The following FRMD4B variants were observed in gnomAD, a reference collection of about 807,000 sequenced individuals.
FRMD4B encodes the protein FERM domain-containing protein 4B.
In FRMD4B, 74 loss-of-function variants were observed where a neutral mutation model predicts 141.5. That is an observed-to-expected ratio of 0.52 (90% CI 0.43 to 0.63). The LOEUF is 0.63. Ranked by LOEUF, FRMD4B falls within the 30% of genes least tolerant of loss-of-function variation. The pLI, the probability that FRMD4B is intolerant of heterozygous loss-of-function variation, is 0.00. For missense variants in FRMD4B, 1,366 were observed against 1,253.4 expected (o/e 1.09, Z -1.36); for synonymous variants, 506 against 467.9 (o/e 1.08, Z -1.05).
chr3:69,265,170 GCT>G, intron 5 of FRMD4B, among the ~76,000 whole-genome samples: 2 of 144,196 alleles, frequency 1.4e-5, no homozygotes, highest in African/African-American at 5.2e-5. Flanking sequence ...CAGGAGAATT[GCT>G]TGAACCCAGG....
intron 7 of FRMD4B, among the ~76,000 whole-genome samples, chr3:69,246,117 G>A (rs192474108): frequency 1.4e-4 from 21 of 152,220 alleles, no homozygotes; most frequent in Admixed American, 8.5e-4. Context: ...GATTATAGGC[G>A]TGAGCCACTG....
chr3:69,231,123 T>C (rs1219333226), intron 7 of FRMD4B, among the ~76,000 whole-genome samples: 2 of 152,200 alleles, frequency 1.3e-5, no homozygotes, highest in Non-Finnish European at 2.9e-5. Flanking sequence ...CTGGGTGCTA[T>C]AGGCTTAACA....
chr3:69,432,349 T>C (rs1003313940), intron 2 of FRMD4B, among the ~76,000 whole-genome samples: 1 of 152,218 alleles, frequency 6.6e-6, no homozygotes, highest in African/African-American at 2.4e-5. Flanking sequence ...TTTTTGTTTA[T>C]TTTGCTCTGT....
chr3:69,531,288 C>T (rs1701005745), intron 1 of FRMD4B, among the ~76,000 whole-genome samples: 1 of 152,016 alleles, frequency 6.6e-6, no homozygotes, highest in South Asian at 2.1e-4. Flanking sequence ...CTCTCAATCC[C>T]ACACAATTCA....
intron 1 of FRMD4B, among the ~76,000 whole-genome samples, chr3:69,328,381 A>G (rs1702253228): frequency 6.6e-6 from 1 of 152,174 alleles, no homozygotes; most frequent in African/African-American, 2.4e-5. Context: ...TATTTACACC[A>G]CAGAAAATGG....
In FRMD4B at chr3:69,536,355, G is replaced by T. The variant is rs143434647; in HGVS notation, c.-129+5851C>A. ...TGCCAGTGGCCCCCCTTGCTTCGGA[G>T]TTGAGGGGCCTGGCGAGGAGGCTGC... On this transcript the variant is annotated intron_variant, in intron 1 of 5. Transcript: ENST00000459638. 1,171 of 685,206 alleles carry T rather than the reference G, an allele frequency of 1.7e-3. 7 individuals carry two copies. The African/African-American group carries it at 0.017, about 10-fold the overall frequency. 42.4% of individuals were successfully genotyped at this position (685,206 alleles called of 1,614,324 possible). A position where few individuals can be genotyped will look rare whatever the true frequency, so the allele number is the denominator to read the frequency against.
At chr3:69,188,875 A>G (rs940469191) in intron 18 of FRMD4B, among the ~76,000 whole-genome samples, 1 of 152,006 alleles carries the variant, frequency 6.6e-6, no homozygotes, top group Admixed American at 6.6e-5. Context: ...ATTAAGTACA[A>G]GAGATGACAA....
At chr3:69,509,355 C>G (rs1347828602) in intron 1 of FRMD4B, among the ~76,000 whole-genome samples, 1 of 152,154 alleles carries the variant, frequency 6.6e-6, no homozygotes, top group African/African-American at 2.4e-5. Flanking sequence ...AGAATTTTCC[C>G]TTAGGAATTT....
At chr3:69,437,392 T>C (rs1705275860) in intron 1 of FRMD4B, among the ~76,000 whole-genome samples, 1 of 150,642 alleles carries the variant, frequency 6.6e-6, no homozygotes, top group African/African-American at 2.4e-5. Context: ...TTTAAATTGA[T>C]AAAATGGTAA....
At chr3:69,385,738 G>T (rs1704234866) in intron 1 of FRMD4B, 90 bp downstream of exon 1, 4 of 1,133,194 alleles carry the variant, frequency 3.5e-6, no homozygotes, top group Non-Finnish European at 3.6e-6. Context: ...AAGAAGAGCT[G>T]GGGGGAATAA....
At chr3:69,366,658 CAT>C (rs1392850218) in intron 1 of FRMD4B, among the ~76,000 whole-genome samples, 6 of 152,148 alleles carry the variant, frequency 3.9e-5, no homozygotes, top group South Asian at 2.1e-4. Context: ...AATTTATTAA[CAT>C]ATGTTGCTTT....
At chr3:69,456,007 T>G (rs976773037) in intron 1 of FRMD4B, among the ~76,000 whole-genome samples, 11 of 152,198 alleles carry the variant, frequency 7.2e-5, no homozygotes, top group Non-Finnish European at 1.2e-4. Flanking sequence ...ATTCAGATTA[T>G]GCACATCAAG....
intron 1 of FRMD4B, among the ~76,000 whole-genome samples, chr3:69,494,074 C>T (rs986207868): frequency 6.6e-6 from 1 of 152,166 alleles, no homozygotes; most frequent in Admixed American, 6.5e-5. Context: ...GAGACAGGGT[C>T]TTGATATGTT....
chr3:69,527,761 G>A (rs1170883543), intron 1 of FRMD4B, among the ~76,000 whole-genome samples: 3 of 152,114 alleles, frequency 2.0e-5, no homozygotes, highest in African/African-American at 7.2e-5. Context: ...ACTTAGTGTT[G>A]GGTAAACAGA....
chr3:69,312,297 A>T (rs560318670), intron 2 of FRMD4B, among the ~76,000 whole-genome samples: 1 of 152,296 alleles, frequency 6.6e-6, no homozygotes, highest in Admixed American at 6.5e-5. Flanking sequence ...AGCTTAGGGT[A>T]TATTACGATG....
At chr3:69,192,857 AC>A in intron 17 of FRMD4B, among the ~76,000 whole-genome samples, 1 of 151,138 alleles carries the variant, frequency 6.6e-6, no homozygotes, top group East Asian at 1.9e-4. Context: ...TTGCCCTGTC[AC>A]CCACGCTGGA....
intron 18 of FRMD4B, among the ~76,000 whole-genome samples, chr3:69,188,335 T>C (rs1488829559): frequency 6.6e-6 from 1 of 152,232 alleles, no homozygotes; most frequent in African/African-American, 2.4e-5. Context: ...ATCCTGTCAT[T>C]GAAAGTAAGG....
intron 2 of FRMD4B, among the ~76,000 whole-genome samples, chr3:69,394,306 T>G (rs1704437926): frequency 6.6e-6 from 1 of 152,194 alleles, no homozygotes; most frequent in Non-Finnish European, 1.5e-5. Context: ...CCAAGCCCAA[T>G]TACCTCCCCA....
At chr3:69,483,099 T>A (rs566486166) in intron 1 of FRMD4B, among the ~76,000 whole-genome samples, 3 of 152,222 alleles carry the variant, frequency 2.0e-5, no homozygotes, top group South Asian at 4.2e-4. Context: ...TTTTTGTAGT[T>A]CAAAAAAGGC....
Sources: allele counts gnomAD v4.1 joint callset (sites outside exome capture counted in the v4.1 genomes callset), GRCh38; gene constraint gnomAD v4.1.1; transcripts MANE v1.5; gene names NCBI Gene and HGNC (gene_info 2026-07-23, HGNC 2026-07-21).